ADGRV1: variants seen among roughly 807,000 people sequenced by gnomAD.
ADGRV1 encodes the protein adhesion G protein-coupled receptor V1, also known as G-protein coupled receptor 98.
A neutral mutation model predicts 596.2 loss-of-function variants in ADGRV1; 359 were observed. The ratio of observed to expected loss-of-function variants is 0.60; its 90% CI spans 0.55 to 0.66. ADGRV1 has a LOEUF of 0.66. ADGRV1 is among the 30% of genes least tolerant of loss of function. The pLI is 0.00. For missense variants in ADGRV1, 7,274 were observed against 7,575.6 expected, an observed-to-expected ratio of 0.96 and a Z score of 1.48; for synonymous variants, 2,681 against 2,679.2, an observed-to-expected ratio of 1.00 and a Z score of -0.02.
intron 85 of ADGRV1, among the ~76,000 whole-genome samples, chr5:90,990,642 G>A (rs900510558): frequency 2.0e-5 from 3 of 152,174 alleles, no homozygotes; most frequent in Admixed American, 1.3e-4. Context: ...ACGGCCCTGG[G>A]TTTGGAGACC....
intron 87 of ADGRV1, among the ~76,000 whole-genome samples, chr5:91,131,659 A>T (rs1794230859): frequency 6.6e-6 from 1 of 151,698 alleles, no homozygotes; most frequent in Non-Finnish European, 1.5e-5. Context: ...TTTTCTGTTG[A>T]TTTGTTTAAG....
intron 83 of ADGRV1, among the ~76,000 whole-genome samples, chr5:90,957,270 G>A (rs911431885): frequency 4.3e-4 from 66 of 151,958 alleles, no homozygotes; most frequent in Non-Finnish European, 1.2e-4. Context: ...TAAATATGAT[G>A]AAATAATATC....
At chr5:91,137,931 A>T (rs146574942) in intron 87 of ADGRV1, among the ~76,000 whole-genome samples, 77 of 152,364 alleles carry the variant, frequency 5.1e-4, no homozygotes, top group African/African-American at 1.8e-3. Flanking sequence ...GGATTTACGT[A>T]AGGATAAAGT....
At chr5:90,725,299 C>A in intron 47 of ADGRV1, 67 bp downstream of exon 47, 3 of 1,050,404 alleles carry the variant, frequency 2.9e-6, no homozygotes, top group Non-Finnish European at 4.0e-6. Context: ...TAAGATTGTT[C>A]AAATTGGAAG....
intron 83 of ADGRV1, among the ~76,000 whole-genome samples, chr5:90,955,102 G>A (rs981635080): frequency 3.3e-5 from 5 of 152,056 alleles, no homozygotes; most frequent in East Asian, 1.9e-4. Flanking sequence ...GACGATGACC[G>A]TCTGCAAACC....
intron 70 of ADGRV1, among the ~76,000 whole-genome samples, chr5:90,801,777 A>G (rs1026157292): frequency 6.6e-6 from 1 of 152,194 alleles, no homozygotes; most frequent in African/African-American, 2.4e-5. Flanking sequence ...TTGTGAGATA[A>G]CTTGGGGGTT....
chr5:90,910,551 T>TTATCTATCTATC lies in ADGRV1; in HGVS notation c.17856+46734_17856+46745dup, dbSNP rs58713482. ...CTATGTTTAGTTTTATATATATATA[T>TTATCTATCTATC]TATCTATCTATCTATCTATCTATCT... On this transcript the variant is annotated intron_variant, in intron 83 of 89. Coordinates refer to ENST00000405460, the MANE Select transcript of ADGRV1 (RefSeq NM_032119.4). Among the ~76,000 whole-genome samples the TTATCTATCTATC allele has an allele frequency of 3.4e-3, 503 of 147,194 alleles. 1 individual carries two copies. The highest frequency in any genetic ancestry group is 4.8e-3 in the Non-Finnish European group (322 of 67,108).
chr5:91,022,788 C>A lies in ADGRV1; in HGVS notation c.18152+37266C>A, dbSNP rs555426591. 1.6e-3 allele frequency among the ~76,000 whole-genome samples: 247 copies of A among 152,146 alleles called. 1 individual carries two copies. The highest frequency in any genetic ancestry group is 2.8e-3 in the Non-Finnish European group (190 of 67,990). On this transcript the variant is annotated intron_variant, in intron 85 of 89. Transcript: ENST00000405460. ...ATAAGCTTGATTACTTGTGGGGAAA[C>A]AATTTGGGGAGATGAATATGTAATT...
At chr5:90,575,697 T>C (rs11741740) in intron 1 of ADGRV1, among the ~76,000 whole-genome samples, 38,404 of 152,024 alleles carry the variant, frequency 0.25, 5,530 homozygotes, top group Non-Finnish European at 0.33. Context: ...CCTGGCAACT[T>C]TGACCATGAG....
intron 53 of ADGRV1, 56 bp downstream of exon 53, chr5:90,750,753 T>A: frequency 1.4e-6 from 2 of 1,398,560 alleles, no homozygotes; most frequent in East Asian, 4.6e-5. Context: ...ACTAGTGATG[T>A]ATGGGACCAA....
intron 83 of ADGRV1, among the ~76,000 whole-genome samples, chr5:90,883,389 A>G (rs1769979327): frequency 6.6e-6 from 1 of 152,116 alleles, no homozygotes; most frequent in Non-Finnish European, 1.5e-5. Context: ...CTTTCTTCCT[A>G]TTACTTTAGT....
At chr5:90,888,659 T>C (rs1453726517) in intron 83 of ADGRV1, among the ~76,000 whole-genome samples, 1 of 152,144 alleles carries the variant, frequency 6.6e-6, no homozygotes, top group Non-Finnish European at 1.5e-5. Context: ...GCAGATTTGC[T>C]TAGTCAACTT....
Position 90,596,055 on chromosome 5 carries a change from G to A in ADGRV1, c.23-18780G>A, listed in dbSNP as rs553059278. ...ATACGGGGTGGCTGCCGGGCGGAGG[G>A]TCTCCTCACTTCTCAGACGGGGCGG... On this transcript the variant is annotated intron_variant, in intron 1 of 89. Transcript: ENST00000405460. Among the ~76,000 whole-genome samples, 5 of 144,064 alleles carry A rather than the reference G, an allele frequency of 3.5e-5. No individual in the cohort carries two copies. The South Asian group carries it at 1.1e-3, about 32-fold the overall frequency. The allele number at this position is 144,064 out of a possible 152,430, so 94.5% of individuals were successfully genotyped here. A position where few individuals can be genotyped will look rare whatever the true frequency, so the allele number is the denominator to read the frequency against.
chr5:90,580,810 T>G (rs753601205), intron 1 of ADGRV1, among the ~76,000 whole-genome samples: 2 of 149,486 alleles, frequency 1.3e-5, no homozygotes, highest in Non-Finnish European at 3.0e-5. Flanking sequence ...GTGTTTCCTG[T>G]TGGGGAAGTT....
chr5:90,878,709 C>G (rs1040759143), intron 83 of ADGRV1, among the ~76,000 whole-genome samples: 1 of 152,140 alleles, frequency 6.6e-6, no homozygotes, highest in African/African-American at 2.4e-5. Context: ...TGATGGTGTC[C>G]TTAAGCAGAT....
chr5:90,901,091 A>G (rs1045235721), intron 83 of ADGRV1, among the ~76,000 whole-genome samples: 1 of 152,136 alleles, frequency 6.6e-6, no homozygotes, highest in Non-Finnish European at 1.5e-5. Context: ...GGTTTTGTAA[A>G]GTCCATTAGT....
chr5:90,819,975 G>A (rs1432600763), intron 75 of ADGRV1, among the ~76,000 whole-genome samples: 4 of 150,170 alleles, frequency 2.7e-5, no homozygotes, highest in Non-Finnish European at 6.0e-5. Context: ...TATCCTTGTT[G>A]ACTTTCTGTC....
At chr5:91,059,034 T>G (rs1447254326) in intron 85 of ADGRV1, among the ~76,000 whole-genome samples, 17 of 152,200 alleles carry the variant, frequency 1.1e-4, no homozygotes, top group Admixed American at 1.1e-3. Flanking sequence ...CTCTCTACTA[T>G]TTGGTATCTT....
At chr5:90,660,738 A>C (rs1770152484) in intron 21 of ADGRV1, among the ~76,000 whole-genome samples, 1 of 152,192 alleles carries the variant, frequency 6.6e-6, no homozygotes, top group Non-Finnish European at 1.5e-5. Flanking sequence ...AAAAAAATTT[A>C]AAATAGGCCT....
Sources: allele counts gnomAD v4.1 joint callset (sites outside exome capture counted in the v4.1 genomes callset), GRCh38; gene constraint gnomAD v4.1.1; transcripts MANE v1.5; gene names NCBI Gene and HGNC (gene_info 2026-07-23, HGNC 2026-07-21).